MCTP2: variants seen among roughly 807,000 people sequenced by gnomAD.
The protein encoded by MCTP2 is multiple C2 and transmembrane domain-containing protein 2.
Under a neutral mutation model 111.6 loss-of-function variants are expected in MCTP2, and 132 were observed. The ratio of observed to expected loss-of-function variants is 1.18; its 90% CI spans 1.03 to 1.37. The LOEUF is 1.37. Ranked by LOEUF, MCTP2 falls within the 40% of genes most tolerant of loss-of-function variation. The pLI is 0.00. For missense variants in MCTP2, 1,183 were observed against 1,067.9 expected, an observed-to-expected ratio of 1.11 and a Z score of -1.50; for synonymous variants, 395 against 387.7, an observed-to-expected ratio of 1.02 and a Z score of -0.22.
chr15:94,355,650 AG>A (rs1242661562), intron 8 of MCTP2, among the ~76,000 whole-genome samples: 1 of 152,128 alleles, frequency 6.6e-6, no homozygotes, highest in Non-Finnish European at 1.5e-5. Context: ...TACATGGTAT[AG>A]GGCTTTTGGT....
chr15:94,266,007 A>G (rs953675684), intron 1 of MCTP2, among the ~76,000 whole-genome samples: 4 of 152,166 alleles, frequency 2.6e-5, no homozygotes, highest in Non-Finnish European at 5.9e-5. Flanking sequence ...ATTCTTTTTT[A>G]GTAAGACAAG....
chr15:94,339,289 G>A lies in MCTP2; in HGVS notation c.638-1G>A. On this transcript the variant is annotated splice_acceptor_variant, in intron 4 of 22. Coordinates refer to ENST00000357742, the MANE Select transcript of MCTP2 (RefSeq NM_001385001.1). LOFTEE classifies it high-confidence loss of function. ...TGTCTTGTTTTCTTTTCCTTTTAAA[G>A]GCACAAGTGATCCTTATGTGAAATT... 3.1e-6 allele frequency: 5 copies of A among 1,588,744 alleles called. No homozygotes were observed. In the South Asian group the frequency reaches 5.7e-5, roughly 18 times the overall value.
At chr15:94,245,544 ATATT>A (rs921705402) in intron 1 of MCTP2, among the ~76,000 whole-genome samples, 5 of 142,506 alleles carry the variant, frequency 3.5e-5, no homozygotes, top group East Asian at 2.0e-4. Flanking sequence ...ATACATGTAT[ATATT>A]TATATATGTA....
At chr15:94,361,379 T>C (rs11633724) in intron 10 of MCTP2, among the ~76,000 whole-genome samples, 23,798 of 152,032 alleles carry the variant, frequency 0.16, 2,320 homozygotes, top group African/African-American at 0.26. Context: ...GGAAGGAACA[T>C]CAGCTCTGGG....
At chr15:94,249,790 CT>C in intron 1 of MCTP2, among the ~76,000 whole-genome samples, 1 of 151,972 alleles carries the variant, frequency 6.6e-6, no homozygotes, top group South Asian at 2.1e-4. Context: ...TGGCCAGAAT[CT>C]TTTTTTTAAT....
chr15:94,458,802 T>C (rs767086291), intron 20 of MCTP2, among the ~76,000 whole-genome samples: 1 of 152,244 alleles, frequency 6.6e-6, no homozygotes, highest in East Asian at 1.9e-4. Context: ...ATGGGACATA[T>C]GGTCTCTGTC....
intron 17 of MCTP2, among the ~76,000 whole-genome samples, chr15:94,410,253 T>C (rs1567651420): frequency 1.3e-5 from 2 of 152,150 alleles, no homozygotes; most frequent in Admixed American, 6.5e-5. Flanking sequence ...TTTGTGGACC[T>C]GGACTTGTTG....
chr15:94,400,046 A>C, intron 16 of MCTP2, 51 bp downstream of exon 16: 1 of 1,490,820 alleles, frequency 6.7e-7, no homozygotes, highest in Non-Finnish European at 9.4e-7. Flanking sequence ...AGCACCCAGC[A>C]GCTGAAGTAT....
chr15:94,412,695 A>G (rs1596629147), intron 17 of MCTP2, among the ~76,000 whole-genome samples: 2 of 152,068 alleles, frequency 1.3e-5, no homozygotes, highest in Non-Finnish European at 1.5e-5. Context: ...TCAGCTAAGT[A>G]TGCCTTTGTT....
intron 2 of MCTP2, among the ~76,000 whole-genome samples, chr15:94,302,614 C>T (rs1347197350): frequency 6.6e-6 from 1 of 152,204 alleles, no homozygotes; most frequent in Non-Finnish European, 1.5e-5. Context: ...TACTGGATGT[C>T]TCATAGGAAC....
intron 1 of MCTP2, among the ~76,000 whole-genome samples, chr15:94,233,721 T>G (rs28732672): frequency 0.31 from 46,974 of 152,090 alleles, 7,500 homozygotes; most frequent in Non-Finnish European, 0.36. Flanking sequence ...CATAAAGGAT[T>G]TATAACAACT....
intron 20 of MCTP2, 58 bp downstream of exon 20, chr15:94,458,304 T>G (rs781284842): frequency 5.5e-5 from 56 of 1,012,832 alleles, no homozygotes; most frequent in Non-Finnish European, 8.7e-5. Flanking sequence ...ACAAGGACAG[T>G]GGGGTAATGG....
At chr15:94,387,117 T>C (rs1035233470) in intron 14 of MCTP2, among the ~76,000 whole-genome samples, 2 of 143,282 alleles carry the variant, frequency 1.4e-5, no homozygotes, top group African/African-American at 6.0e-5. Context: ...CTCTCCTCCC[T>C]TCCTCCTTCC....
At chr15:94,240,276 A>T (rs1378254759) in intron 1 of MCTP2, among the ~76,000 whole-genome samples, 1 of 152,166 alleles carries the variant, frequency 6.6e-6, no homozygotes, top group African/African-American at 2.4e-5. Context: ...TGAAGGGAAC[A>T]CTGAGACTCA....
At chr15:94,339,918 A>G (rs2077546004) in intron 5 of MCTP2, among the ~76,000 whole-genome samples, 1 of 152,244 alleles carries the variant, frequency 6.6e-6, no homozygotes, top group Non-Finnish European at 1.5e-5. Flanking sequence ...TTTAAACTAC[A>G]GAGAATGGTC....
At chr15:94,402,440 A>C in intron 17 of MCTP2, 1 of 1,543,174 alleles carries the variant, frequency 6.5e-7, no homozygotes, top group East Asian at 2.4e-5. Context: ...ATTCATTTCA[A>C]GCCAGTTGGG....
At chr15:94,243,502 T>C (rs62647213) in intron 1 of MCTP2, among the ~76,000 whole-genome samples, 5,169 of 57,408 alleles carry the variant, frequency 0.09, 732 homozygotes, top group African/African-American at 0.19. Flanking sequence ...TGCGTACATA[T>C]GTATGCGTAT....
At chr15:94,371,191 A>G (rs1353603277) in intron 12 of MCTP2, among the ~76,000 whole-genome samples, 1 of 152,142 alleles carries the variant, frequency 6.6e-6, no homozygotes, top group Non-Finnish European at 1.5e-5. Flanking sequence ...ACCCTATAAG[A>G]TGATCCTGAC....
chr15:94,253,141 T>C (rs776945368), intron 1 of MCTP2, among the ~76,000 whole-genome samples: 1 of 152,182 alleles, frequency 6.6e-6, no homozygotes, highest in Non-Finnish European at 1.5e-5. Context: ...TAATTATTCC[T>C]GTGGTTCAGC....
Sources: gnomAD v4.1 joint callset for allele counts (sites outside exome capture counted in the v4.1 genomes callset) on GRCh38, gnomAD v4.1.1 for gene constraint, MANE v1.5 for transcripts, NCBI Gene and HGNC (gene_info 2026-07-23, HGNC 2026-07-21) for gene names.